SINHCAF: variants seen among roughly 807,000 people sequenced by gnomAD.
The protein encoded by SINHCAF is SIN3-HDAC complex associated factor, also known as SIN3-HDAC complex-associated factor.
In SINHCAF, 3 loss-of-function variants were observed where a neutral mutation model predicts 25.8. That is an observed-to-expected ratio of 0.12 (90% CI 0.05 to 0.30). The LOEUF is 0.30. Among genes scored for constraint, SINHCAF ranks in the 10% least tolerant of loss-of-function variants. The pLI, the probability that SINHCAF is intolerant of heterozygous loss-of-function variation, is 1.00. For synonymous variants in SINHCAF, 70 were observed against 85.5 expected, an observed-to-expected ratio of 0.82 and a Z score of 1.00; for missense variants, 121 against 262.3, an observed-to-expected ratio of 0.46 and a Z score of 3.72.
chr12:31,320,380 C>A (rs910363993), intron 1 of SINHCAF, among the ~76,000 whole-genome samples: 1 of 152,232 alleles, frequency 6.6e-6, no homozygotes, highest in African/African-American at 2.4e-5. Context: ...TTAAGAATTA[C>A]TTATTTTACA....
At chr12:31,287,185 C>CA (rs947558505) in intron 5 of SINHCAF, among the ~76,000 whole-genome samples, 1 of 152,140 alleles carries the variant, frequency 6.6e-6, no homozygotes, top group African/African-American at 2.4e-5. Flanking sequence ...CCTGTATGTT[C>CA]AAATTTATTG....
intron 1 of SINHCAF, among the ~76,000 whole-genome samples, chr12:31,323,279 CT>C (rs1473993309): frequency 6.6e-6 from 1 of 152,164 alleles, no homozygotes; most frequent in African/African-American, 2.4e-5. Context: ...AACTCCCAGA[CT>C]TTTAGATTGG....
intron 2 of SINHCAF, chr12:31,296,940 C>T (rs1471303820): frequency 4.8e-6 from 2 of 416,062 alleles, no homozygotes; most frequent in East Asian, 7.8e-5. Flanking sequence ...GAGGCTCAGA[C>T]GGGAGGATCA....
intron 1 of SINHCAF, among the ~76,000 whole-genome samples, chr12:31,312,783 A>G (rs892390477): frequency 1.3e-5 from 2 of 152,086 alleles, no homozygotes; most frequent in African/African-American, 4.8e-5. Context: ...AATTATCAGC[A>G]TTTTCTTTTG....
intron 1 of SINHCAF, among the ~76,000 whole-genome samples, chr12:31,317,412 G>C (rs1031509655): frequency 2.0e-5 from 3 of 151,820 alleles, no homozygotes; most frequent in African/African-American, 7.3e-5. Context: ...TTAAATTATG[G>C]TTGAAACACC....
intron 5 of SINHCAF, among the ~76,000 whole-genome samples, chr12:31,286,170 A>G (rs1328890327): frequency 1.3e-5 from 2 of 152,312 alleles, no homozygotes; most frequent in African/African-American, 4.8e-5. Flanking sequence ...TCCTGATCAT[A>G]GAGAAAATGC....
intron 1 of SINHCAF, 144 bp from the exon 2 acceptor site, chr12:31,298,368 G>T: frequency 1.3e-6 from 1 of 799,646 alleles, no homozygotes; most frequent in Non-Finnish European, 2.0e-6. Flanking sequence ...AGACCTCCTG[G>T]ATCGACCTCC....
At chr12:31,288,258 T>C (rs1344055551) in intron 4 of SINHCAF, among the ~76,000 whole-genome samples, 1 of 152,130 alleles carries the variant, frequency 6.6e-6, no homozygotes, top group Non-Finnish European at 1.5e-5. Context: ...CTGATCTCTC[T>C]AGCAAAGAAC....
In SINHCAF at chr12:31,287,624, T is replaced by C. The variant is rs201994118; in HGVS notation, c.506+10A>G. On this transcript the variant is annotated intron_variant, in intron 5 of 5. Coordinates refer to ENST00000337682, the MANE Select transcript of SINHCAF (RefSeq NM_001135812.2). ...GTTTGCTGGTTAGAGAGATACTTTG[T>C]TTCTTTTACCTTTTCCAGTAAGTGA... is the stretch of plus-strand genomic sequence containing the variant. 6.3e-7 allele frequency: 1 copy of C among 1,579,572 alleles called. No homozygotes were observed. The highest frequency in any genetic ancestry group is 8.6e-7 in the Non-Finnish European group (1 of 1,158,628).
At chr12:31,312,830 T>C (rs1345813074) in intron 1 of SINHCAF, among the ~76,000 whole-genome samples, 3 of 152,234 alleles carry the variant, frequency 2.0e-5, no homozygotes, top group African/African-American at 4.8e-5. Flanking sequence ...AAGAAATCTT[T>C]GCTTTCCTCC....
chr12:31,322,285 T>C (rs1350689289), intron 1 of SINHCAF, among the ~76,000 whole-genome samples: 1 of 152,186 alleles, frequency 6.6e-6, no homozygotes, highest in Non-Finnish European at 1.5e-5. Context: ...TGAAATCTGC[T>C]AGGAAATGGA....
intron 1 of SINHCAF, among the ~76,000 whole-genome samples, chr12:31,314,128 G>A (rs1939400132): frequency 6.6e-6 from 1 of 151,940 alleles, no homozygotes; most frequent in African/African-American, 2.4e-5. Flanking sequence ...CAAGAGCAGG[G>A]GCCTTTGGAG....
chr12:31,296,956 G>T, intron 2 of SINHCAF: 1 of 425,030 alleles, frequency 2.4e-6, no homozygotes, highest in Middle Eastern at 4.9e-4. Context: ...GATCACTTGA[G>T]CCCAAAAGTT....
intron 1 of SINHCAF, among the ~76,000 whole-genome samples, chr12:31,317,357 CAA>C (rs1939533676): frequency 1.3e-5 from 2 of 150,640 alleles, no homozygotes. Flanking sequence ...AAAAAAAACA[CAA>C]GATAGTTGAA....
intron 1 of SINHCAF, among the ~76,000 whole-genome samples, chr12:31,318,062 T>C (rs1160193059): frequency 6.6e-6 from 1 of 152,192 alleles, no homozygotes; most frequent in Non-Finnish European, 1.5e-5. Flanking sequence ...ACTGACACCA[T>C]TTTAGTCAAT....
intron 1 of SINHCAF, among the ~76,000 whole-genome samples, chr12:31,316,056 G>C (rs1225595118): frequency 1.3e-5 from 2 of 152,060 alleles, no homozygotes; most frequent in African/African-American, 4.8e-5. Context: ...GTAAATCTCA[G>C]CTACTCAGGA....
At chr12:31,305,854 G>A (rs1253574140) in intron 1 of SINHCAF, among the ~76,000 whole-genome samples, 3 of 151,954 alleles carry the variant, frequency 2.0e-5, no homozygotes, top group East Asian at 1.9e-4. Flanking sequence ...CGTGCGCCAC[G>A]ATGCCCGGCT....
chr12:31,321,520 A>C (rs554350904), intron 1 of SINHCAF, among the ~76,000 whole-genome samples: 1 of 152,358 alleles, frequency 6.6e-6, no homozygotes, highest in African/African-American at 2.4e-5. Flanking sequence ...TTGTGAGGAC[A>C]ACACAGCTAA....
chr12:31,310,508 G>A (rs1437597062), intron 1 of SINHCAF, among the ~76,000 whole-genome samples: 1 of 152,206 alleles, frequency 6.6e-6, no homozygotes, highest in Non-Finnish European at 1.5e-5. Context: ...GACAAGGGGA[G>A]AAGAGTTCTT....
Sources: allele counts gnomAD v4.1 joint callset (sites outside exome capture counted in the v4.1 genomes callset), GRCh38; gene constraint gnomAD v4.1.1; transcripts MANE v1.5; gene names NCBI Gene and HGNC (gene_info 2026-07-23, HGNC 2026-07-21).